LZTS1: variants seen among roughly 807,000 people sequenced by gnomAD.
The protein encoded by LZTS1 is leucine zipper putative tumor suppressor 1.
In LZTS1, 31 loss-of-function variants were observed where a neutral mutation model predicts 45.8. That is an observed-to-expected ratio of 0.68 (90% CI 0.51 to 0.91). The LOEUF (loss-of-function observed/expected upper bound fraction) is 0.91. Among genes scored for constraint, LZTS1 ranks in the 40% least tolerant of loss-of-function variants. The pLI is 0.00. For missense variants in LZTS1, 821 were observed against 788.9 expected (o/e 1.04, Z -0.49); for synonymous variants, 359 against 357.3 (o/e 1.00, Z -0.05).
At chr8:20,261,817 C>T (rs1455997518) in intron 1 of LZTS1, among the ~76,000 whole-genome samples, 26 of 152,228 alleles carry the variant, frequency 1.7e-4, no homozygotes. Flanking sequence ...CACACGCCCT[C>T]CTCCTCCTCT....
Position 20,246,668 on chromosome 8 carries a change from G to A in LZTS1, c.*3054C>T, listed in dbSNP as rs1432241595. ...TCCCATGTGAGCTCAGTGCTATAGG[G>A]GCTGTGTGTGCCTGGCAGGAGTTCA... On this transcript the variant is annotated 3_prime_UTR_variant, in exon 4 of 4. Transcript: ENST00000381569. 1 of 152,376 alleles carries A rather than the reference G, an allele frequency of 6.6e-6. No homozygotes were observed. Among genetic ancestry groups the A allele is most frequent in the East Asian group, 1.9e-4 (1 of 5,198 alleles). 9.4% of individuals were successfully genotyped at this position (152,376 alleles called of 1,614,324 possible).
chr8:20,263,756 G>A (rs1457729323), intron 1 of LZTS1, among the ~76,000 whole-genome samples: 1 of 152,130 alleles, frequency 6.6e-6, no homozygotes, highest in East Asian at 1.9e-4. Flanking sequence ...GGGTCTGGGT[G>A]GTCAGAGGGG....
Position 20,249,749 on chromosome 8 carries a change from G to A in LZTS1, c.1764C>T (p.Tyr588=), listed in dbSNP as rs764317406. The A allele has an allele frequency of 1.8e-5, 29 of 1,610,454 alleles. No individual in the cohort carries two copies. Among genetic ancestry groups the A allele is most frequent in the African/African-American group, 2.7e-5 (2 of 74,908 alleles). Residue 588 remains tyrosine, a synonymous_variant, in exon 4 of 4, where the codon TAC becomes TAT. Transcript: ENST00000381569. ...EVDLEGADIP[Y]EDIIATEI ...AGATCTCAGTGGCTATGATGTCCTCGTAGGGGATGTCAGCCCCTTCCAGGT... is the reference window on the plus strand; with the variant it reads ...AGATCTCAGTGGCTATGATGTCCTCATAGGGGATGTCAGCCCCTTCCAGGT...
At chr8:20,253,628 C>T (rs1322610103) in intron 2 of LZTS1, 43 bp from the exon 3 acceptor site, 4 of 1,397,784 alleles carry the variant, frequency 2.9e-6, no homozygotes, top group South Asian at 3.0e-5. Flanking sequence ...CTCCCCTGCG[C>T]GCGCATTGCA....
intron 1 of LZTS1, among the ~76,000 whole-genome samples, chr8:20,267,120 A>T (rs1800374635): frequency 6.7e-6 from 1 of 148,840 alleles, no homozygotes; most frequent in Non-Finnish European, 1.5e-5. Context: ...AAAAAAAAAA[A>T]AAGAAAAGAA....
At position 20,252,902 on chromosome 8, in the gene LZTS1, C is replaced by A. The variant is rs1390747845; in HGVS notation, c.1029G>T (p.Arg343=). 5 of 1,610,638 alleles carry A rather than the reference C, an allele frequency of 3.1e-6. No individual in the cohort carries two copies. Among genetic ancestry groups the A allele is most frequent in the African/African-American group, 1.3e-5 (1 of 75,032 alleles). The change falls in exon 3 of 4, where the codon CGG becomes CGT. Residue 343 remains arginine (R), a synonymous_variant. Transcript: ENST00000381569. ...LQVLQLQQEK[R]QLRQELESLM... ...GGCTCTCGAGCTCCTGCCGGAGCTG[C>A]CGCTTCTCCTGCTGAAGCTGCAGTA...
intron 1 of LZTS1, among the ~76,000 whole-genome samples, chr8:20,265,734 C>T (rs1439762397): frequency 6.8e-6 from 1 of 146,890 alleles, no homozygotes; most frequent in African/African-American, 2.5e-5. Flanking sequence ...TGAATCTCAC[C>T]ATGAAACCTC....
rs192319098 is a variant in LZTS1 at position 20,269,346 on chromosome 8, G to A, written c.-134-14031C>T. Among the ~76,000 whole-genome samples the A allele has an allele frequency of 2.6e-3, 399 of 152,298 alleles. 1 individual carries two copies. Among genetic ancestry groups the A allele is most frequent in the African/African-American group, 9.0e-3 (376 of 41,580 alleles). On this transcript the variant is annotated intron_variant, in intron 1 of 3. Coordinates refer to ENST00000381569, the MANE Select transcript of LZTS1 (RefSeq NM_021020.5). ...TGGGCATCTGGCTAGACTCCCTCCC[G>A]TCTTACCTGGAGAGACAGAGACTGC...
Position 20,253,412 on chromosome 8 carries a change from G to A in LZTS1, c.519C>T (p.Asp173=). ...GGCTGGACATGGAGTTCCGGCCGGA[G>A]TCTGACAGCGCCCCAGAGCACAGGC... is the stretch of plus-strand genomic sequence containing the variant. ...KPGLCSGALS[D]SGRNSMSSLP... Residue 173 remains aspartate, a synonymous_variant, in exon 3 of 4, where the codon GAC becomes GAT. Transcript: ENST00000381569. The A allele has an allele frequency of 6.2e-7, 1 of 1,611,956 alleles. No homozygotes were observed. Among genetic ancestry groups the A allele is most frequent in the South Asian group, 1.1e-5 (1 of 90,874 alleles).
At chr8:20,251,124 T>C (rs1424376497) in intron 3 of LZTS1, among the ~76,000 whole-genome samples, 2 of 29,988 alleles carry the variant, frequency 6.7e-5, no homozygotes, top group African/African-American at 3.4e-4. Context: ...TATATATATA[T>C]ATATATATAT....
intron 1 of LZTS1, among the ~76,000 whole-genome samples, chr8:20,277,654 CTA>C (rs1800611011): frequency 6.6e-6 from 1 of 152,158 alleles, no homozygotes; most frequent in African/African-American, 2.4e-5. Context: ...GTAGGCTGAT[CTA>C]TGAGTTGGAG....
At chr8:20,275,229 C>G (rs1800555286) in intron 1 of LZTS1, among the ~76,000 whole-genome samples, 1 of 151,862 alleles carries the variant, frequency 6.6e-6, no homozygotes, top group African/African-American at 2.4e-5. Context: ...TGGTGAAACC[C>G]CATCTCTACT....
chr8:20,274,978 TG>T (rs1800549442), intron 1 of LZTS1, among the ~76,000 whole-genome samples: 1 of 152,036 alleles, frequency 6.6e-6, no homozygotes, highest in Non-Finnish European at 1.5e-5. Context: ...TGTGTGTGTG[TG>T]TGTGTCTCAA....
At chr8:20,288,798 C>A (rs554339759) in intron 1 of LZTS1, among the ~76,000 whole-genome samples, 3 of 152,168 alleles carry the variant, frequency 2.0e-5, no homozygotes, top group African/African-American at 7.2e-5. Context: ...CGTCTTCCAA[C>A]CCTCCCCTCT....
Position 20,303,900 on chromosome 8 carries a change from G to C in LZTS1, c.-295C>G. 1.0e-6 allele frequency: 1 copy of C among 984,808 alleles called. No individual in the cohort carries two copies. Among genetic ancestry groups the C allele is most frequent in the Non-Finnish European group, 1.2e-6 (1 of 829,700 alleles). 61.0% of individuals were successfully genotyped at this position (984,808 alleles called of 1,614,324 possible). A position where few individuals can be genotyped will look rare whatever the true frequency, so the allele number is the denominator to read the frequency against. ...CCACTCACTGGCCGAGGCGGGCAGAGAAACTTTCGGCCTCCCCGCCCGGCC... is the reference window on the plus strand; with the variant it reads ...CCACTCACTGGCCGAGGCGGGCAGACAAACTTTCGGCCTCCCCGCCCGGCC... On this transcript the variant is annotated 5_prime_UTR_variant, in exon 1 of 4. Coordinates refer to ENST00000381569, the MANE Select transcript of LZTS1 (RefSeq NM_021020.5).
Position 20,249,580 on chromosome 8 carries a change from T to A in LZTS1, c.*142A>T. On this transcript the variant is annotated 3_prime_UTR_variant, in exon 4 of 4. Coordinates refer to ENST00000381569, the MANE Select transcript of LZTS1 (RefSeq NM_021020.5). ...TCAGAGAGGGAAGGAAAGGCCATCC[T>A]GCCCTCCCCTCGGGGGTCCTGGGTC... The A allele has an allele frequency of 9.6e-7, 1 of 1,039,514 alleles. No homozygotes were observed. The highest frequency in any genetic ancestry group is 1.4e-6 in the Non-Finnish European group (1 of 734,518). The allele number at this position is 1,039,514 out of a possible 1,614,324, so 64.4% of individuals were successfully genotyped here.
At chr8:20,293,855 C>T (rs748026217) in intron 1 of LZTS1, among the ~76,000 whole-genome samples, 8 of 152,076 alleles carry the variant, frequency 5.3e-5, no homozygotes, top group East Asian at 1.9e-4. Flanking sequence ...TCCAGGAGTT[C>T]GAGGCTGCAG....
intron 1 of LZTS1, among the ~76,000 whole-genome samples, chr8:20,256,802 G>T (rs1178650886): frequency 6.6e-6 from 1 of 152,152 alleles, no homozygotes. Flanking sequence ...GCAGGAGGGT[G>T]AGTGGGCAGC....
At chr8:20,284,741 C>T (rs1329218171) in intron 1 of LZTS1, among the ~76,000 whole-genome samples, 1 of 152,088 alleles carries the variant, frequency 6.6e-6, no homozygotes, top group African/African-American at 2.4e-5. Context: ...GTAATGACAA[C>T]CCCCAAGGCA....
Sources: allele counts gnomAD v4.1 joint callset (sites outside exome capture counted in the v4.1 genomes callset), GRCh38; gene constraint gnomAD v4.1.1; transcripts MANE v1.5; gene names NCBI Gene and HGNC (gene_info 2026-07-23, HGNC 2026-07-21).